The following SH3GL2 variants were observed in gnomAD, a reference collection of about 807,000 sequenced individuals.
The protein encoded by SH3GL2 is SH3 domain containing GRB2 like 2, endophilin A1.
In SH3GL2, 24 loss-of-function variants were observed where a neutral mutation model predicts 46.0. The ratio of observed to expected loss-of-function variants is 0.52; its 90% CI spans 0.38 to 0.73. The LOEUF is 0.73. Among genes scored for constraint, SH3GL2 ranks in the 30% least tolerant of loss-of-function variants. The pLI is 0.00. For missense variants in SH3GL2, 413 were observed against 424.2 expected, an observed-to-expected ratio of 0.97 and a Z score of 0.23; for synonymous variants, 196 against 147.1, an observed-to-expected ratio of 1.33 and a Z score of -2.40.
chr9:17,583,179 C>G (rs553562391), intron 1 of SH3GL2, among the ~76,000 whole-genome samples: 28 of 152,278 alleles, frequency 1.8e-4, no homozygotes, highest in African/African-American at 6.7e-4. Flanking sequence ...GAGGACAGTT[C>G]AGCCTATAAA....
chr9:17,688,496 G>A (rs1462005072), intron 1 of SH3GL2, among the ~76,000 whole-genome samples: 3 of 151,940 alleles, frequency 2.0e-5, no homozygotes, highest in Admixed American at 2.0e-4. Context: ...AACAGAGATC[G>A]TGAGCACACC....
chr9:17,693,851 A>T (rs571907448), intron 1 of SH3GL2, among the ~76,000 whole-genome samples: 1 of 152,304 alleles, frequency 6.6e-6, no homozygotes, highest in South Asian at 2.1e-4. Context: ...AATCGTGGTA[A>T]CCACCCCTGT....
At chr9:17,731,100 GGCAGGAA>G (rs1822166822) in intron 1 of SH3GL2, among the ~76,000 whole-genome samples, 3 of 152,180 alleles carry the variant, frequency 2.0e-5, no homozygotes, top group East Asian at 3.9e-4. Flanking sequence ...TAGTCCTTGT[GGCAGGAA>G]TGATACCTTT....
At chr9:17,622,986 G>GTTCCTTTCCGTTCCTTTCC (rs1554631076) in intron 1 of SH3GL2, among the ~76,000 whole-genome samples, 1 of 99,352 alleles carries the variant, frequency 1.0e-5, no homozygotes, top group Admixed American at 1.0e-4. Context: ...GTTTCCTTTC[G>GTTCCTTTCCGTTCCTTTCC]TTTCCTTTCC....
chr9:17,613,867 C>T (rs914182240), intron 1 of SH3GL2, among the ~76,000 whole-genome samples: 2 of 152,172 alleles, frequency 1.3e-5, no homozygotes, highest in Admixed American at 6.5e-5. Flanking sequence ...TCCCTCCTGG[C>T]TGACTAAGCT....
intron 1 of SH3GL2, among the ~76,000 whole-genome samples, chr9:17,636,229 T>TA (rs1358842554): frequency 2.6e-5 from 4 of 152,172 alleles, no homozygotes; most frequent in South Asian, 2.1e-4. Context: ...AAGTGCATCT[T>TA]ATGAATGCAT....
intron 1 of SH3GL2, among the ~76,000 whole-genome samples, chr9:17,728,067 T>C (rs1337481687): frequency 6.6e-6 from 1 of 152,176 alleles, no homozygotes; most frequent in South Asian, 2.1e-4. Context: ...TTTGAAAATA[T>C]CTGCAATAAA....
chr9:17,685,628 G>C (rs1177082515), intron 1 of SH3GL2, among the ~76,000 whole-genome samples: 1 of 152,028 alleles, frequency 6.6e-6, no homozygotes. Flanking sequence ...TTTTGTATAA[G>C]GTGTGAGGAA....
intron 1 of SH3GL2, among the ~76,000 whole-genome samples, chr9:17,679,963 A>C (rs1181250030): frequency 6.6e-6 from 1 of 152,178 alleles, no homozygotes; most frequent in East Asian, 1.9e-4. Flanking sequence ...CCAGCCTTGC[A>C]TCCCTGGGAT....
At position 17,710,860 on chromosome 9, in the gene SH3GL2, A is replaced by T. The variant is rs77398483; in HGVS notation, c.46-36206A>T. Among the ~76,000 whole-genome samples the T allele has an allele frequency of 8.4e-3, 1,284 of 152,078 alleles. 24 individuals are homozygous for T. Among genetic ancestry groups the T allele is most frequent in the African/African-American group, 0.029 (1,203 of 41,530 alleles). On this transcript the variant is annotated intron_variant, in intron 1 of 8. Transcript: ENST00000380607. ...CAAGGGGTATGTTCCAAAATCCCCA[A>T]TGTATGCCTGAAACTGGGTATTACT... is the stretch of plus-strand genomic sequence containing the variant.
intron 1 of SH3GL2, among the ~76,000 whole-genome samples, chr9:17,733,063 G>A (rs943755095): frequency 1.2e-4 from 19 of 152,042 alleles, no homozygotes; most frequent in African/African-American, 2.9e-4. Flanking sequence ...GTGTGTACCC[G>A]TGGGATGATA....
At chr9:17,741,555 C>T (rs936232613) in intron 1 of SH3GL2, among the ~76,000 whole-genome samples, 1 of 152,120 alleles carries the variant, frequency 6.6e-6, no homozygotes, top group African/African-American at 2.4e-5. Flanking sequence ...AAAAGATATA[C>T]TTTGGAGTGG....
intron 1 of SH3GL2, among the ~76,000 whole-genome samples, chr9:17,738,661 G>GAGAGAGAGAGAGAGAGAGAGAGAGAC (rs371733137): frequency 2.3e-5 from 3 of 132,104 alleles, no homozygotes; most frequent in African/African-American, 8.1e-5. Context: ...GAGAGAGAGA[G>GAGAGAGAGAGAGAGAGAGAGAGAGAC]AGAGAGAGAG....
At chr9:17,662,404 A>G (rs566484905) in intron 1 of SH3GL2, among the ~76,000 whole-genome samples, 1 of 152,290 alleles carries the variant, frequency 6.6e-6, no homozygotes, top group Non-Finnish European at 1.5e-5. Flanking sequence ...TCATGCTATG[A>G]TTTCCCATGA....
chr9:17,590,303 A>G (rs1588159542), intron 1 of SH3GL2: 1 of 152,196 alleles, frequency 6.6e-6, no homozygotes, highest in African/African-American at 2.4e-5. Context: ...TCATCATCGT[A>G]TAATACACTG....
chr9:17,717,297 G>A (rs993326088), intron 1 of SH3GL2, among the ~76,000 whole-genome samples: 5 of 152,222 alleles, frequency 3.3e-5, no homozygotes, highest in Middle Eastern at 3.4e-3. Flanking sequence ...CGTATTTTGG[G>A]TATTTCTCAT....
At position 17,693,203 on chromosome 9, in the gene SH3GL2, C is replaced by CT. The variant is rs1821125333; in HGVS notation, c.46-53862dup. On this transcript the variant is annotated intron_variant, in intron 1 of 8. Transcript: ENST00000380607. ...TGGGTTTTGGAAATTTACTGAGTGT[C>CT]TGTTTTTGAGCAGAAAACGTTATGT... Among the ~76,000 whole-genome samples, 4 of 152,236 alleles carry CT rather than the reference C, an allele frequency of 2.6e-5. No homozygotes were observed. The South Asian group carries it at 8.3e-4, about 32-fold the overall frequency.
chr9:17,713,916 A>C (rs139134617), intron 1 of SH3GL2, among the ~76,000 whole-genome samples: 93 of 151,824 alleles, frequency 6.1e-4, no homozygotes, highest in Admixed American at 2.0e-3. Context: ...GGATAGTTCT[A>C]GTCTACTATG....
At chr9:17,744,103 AT>A (rs369565666) in intron 1 of SH3GL2, among the ~76,000 whole-genome samples, 1,714 of 152,290 alleles carry the variant, frequency 0.011, 34 homozygotes, top group African/African-American at 0.039. Flanking sequence ...TGTAGAAAAT[AT>A]TTTTTATTGT....
Sources: gnomAD v4.1 joint callset for allele counts (sites outside exome capture counted in the v4.1 genomes callset) on GRCh38, gnomAD v4.1.1 for gene constraint, MANE v1.5 for transcripts, NCBI Gene and HGNC (gene_info 2026-07-23, HGNC 2026-07-21) for gene names.